The following GABRG3 variants were observed in gnomAD, a reference collection of about 807,000 sequenced individuals.
GABRG3 encodes the protein gamma-aminobutyric acid receptor subunit gamma-3.
In GABRG3, 25 loss-of-function variants were observed where a neutral mutation model predicts 48.8. The observed-to-expected ratio is 0.51, with a 90% CI of 0.37 to 0.72. GABRG3 has a LOEUF of 0.72. Ranked by LOEUF, GABRG3 falls within the 30% of genes least tolerant of loss-of-function variation. GABRG3 has a pLI of 0.00. For missense variants in GABRG3, 394 were observed against 577.9 expected (o/e 0.68, Z 3.26); for synonymous variants, 227 against 217.6 (o/e 1.04, Z -0.38).
chr15:27,368,633 C>T (rs562918317), intron 5 of GABRG3, among the ~76,000 whole-genome samples: 2 of 152,290 alleles, frequency 1.3e-5, no homozygotes, highest in Non-Finnish European at 1.5e-5. Context: ...TTGTTACCTC[C>T]GGTTCTGCAG....
chr15:27,170,235 A>G (rs1357497306), intron 3 of GABRG3, among the ~76,000 whole-genome samples: 1 of 152,220 alleles, frequency 6.6e-6, no homozygotes, highest in African/African-American at 2.4e-5. Context: ...TGAGTTTATA[A>G]CATGGGTAGA....
chr15:27,503,800 A>G (rs1890699477), intron 6 of GABRG3, among the ~76,000 whole-genome samples: 6 of 152,198 alleles, frequency 3.9e-5, no homozygotes, highest in Admixed American at 3.9e-4. Flanking sequence ...TTGTAGATTC[A>G]TCTATTTCTC....
At chr15:27,009,838 A>G (rs1166477249) in intron 2 of GABRG3, among the ~76,000 whole-genome samples, 1 of 151,748 alleles carries the variant, frequency 6.6e-6, no homozygotes, top group Non-Finnish European at 1.5e-5. Flanking sequence ...TCCTCAGGCA[A>G]CTTCTTCTTC....
chr15:27,095,696 T>C (rs756472384), intron 3 of GABRG3, among the ~76,000 whole-genome samples: 4 of 152,120 alleles, frequency 2.6e-5, no homozygotes, highest in African/African-American at 7.2e-5. Flanking sequence ...CTTAGGTTTT[T>C]CTCTTTGGAT....
intron 5 of GABRG3, among the ~76,000 whole-genome samples, chr15:27,366,658 C>T (rs901877122): frequency 1.3e-5 from 2 of 152,064 alleles, no homozygotes; most frequent in African/African-American, 2.4e-5. Context: ...GAGAGGAGTC[C>T]TGGTCCTCTC....
At chr15:27,184,962 T>C (rs1044705012) in intron 3 of GABRG3, among the ~76,000 whole-genome samples, 1 of 152,352 alleles carries the variant, frequency 6.6e-6, no homozygotes, top group South Asian at 2.1e-4. Flanking sequence ...GTTTATTGTT[T>C]GCATTGATTT....
chr15:27,167,242 C>G (rs1405880170), intron 3 of GABRG3, among the ~76,000 whole-genome samples: 1 of 152,198 alleles, frequency 6.6e-6, no homozygotes, highest in African/African-American at 2.4e-5. Context: ...TGATTCTTTT[C>G]CTCTCTTTCC....
Position 27,287,799 on chromosome 15 carries a change from C to T in GABRG3, c.271-39010C>T, listed in dbSNP as rs539321589. Among the ~76,000 whole-genome samples the T allele has an allele frequency of 2.8e-5, 4 of 140,880 alleles. No individual in the cohort carries two copies. The East Asian group carries it at 6.3e-4, about 22-fold the overall frequency. 92.4% of individuals were successfully genotyped at this position (140,880 alleles called of 152,430 possible). ...TGTTGCCCAGGCTGGAGTGCAGTGG[C>T]GCGATCTCGGCTCACTGCAAGCTCC... On this transcript the variant is annotated intron_variant, in intron 3 of 9. Coordinates refer to ENST00000615808, the MANE Select transcript of GABRG3 (RefSeq NM_033223.5).
chr15:27,333,413 C>T (rs1893865738), intron 5 of GABRG3, among the ~76,000 whole-genome samples: 1 of 152,240 alleles, frequency 6.6e-6, no homozygotes, highest in Middle Eastern at 3.4e-3. Context: ...CATTCCATAA[C>T]GTGGGTCCCC....
rs76933292 is a variant in GABRG3, at chr15:27,404,315, G to A, written c.574+75427G>A. Among the ~76,000 whole-genome samples, 208 of 152,256 alleles carry A rather than the reference G, an allele frequency of 1.4e-3. 2 individuals are homozygous for A. The highest frequency in any genetic ancestry group is 6.8e-3 in the Middle Eastern group (2 of 294). Reference sequence around the variant, plus strand: ...AAGTCCTTCTCTGGTACCTGGGCTGGCTGGGCTGGCAATGCCTACCTTGTA... The same window carrying A: ...AAGTCCTTCTCTGGTACCTGGGCTGACTGGGCTGGCAATGCCTACCTTGTA... On this transcript the variant is annotated intron_variant, in intron 5 of 9. Transcript: ENST00000615808.
At chr15:27,350,900 T>TGTGTGTGTGTATC in intron 5 of GABRG3, among the ~76,000 whole-genome samples, 1 of 151,596 alleles carries the variant, frequency 6.6e-6, no homozygotes, top group South Asian at 2.1e-4. Context: ...CGTGTGTGTT[T>TGTGTGTGTGTATC]GTGTGTGTGT....
intron 3 of GABRG3, among the ~76,000 whole-genome samples, chr15:27,077,780 CT>C (rs1272169829): frequency 6.6e-6 from 1 of 152,180 alleles, no homozygotes; most frequent in African/African-American, 2.4e-5. Flanking sequence ...AAAGGAAGGA[CT>C]TTTTTTCTCT....
At chr15:27,053,093 A>T (rs996095136) in intron 3 of GABRG3, among the ~76,000 whole-genome samples, 5 of 152,232 alleles carry the variant, frequency 3.3e-5, no homozygotes, top group African/African-American at 1.2e-4. Context: ...CCTTCTGGAT[A>T]TTGGCCTTGG....
At chr15:27,124,160 T>G (rs1897778641) in intron 3 of GABRG3, among the ~76,000 whole-genome samples, 2 of 152,184 alleles carry the variant, frequency 1.3e-5, no homozygotes, top group South Asian at 4.1e-4. Context: ...GGGGACAAAT[T>G]GCAATGTCCA....
rs1891547577 is a variant in GABRG3, at chr15:27,536,403, A to G, written c.*3522A>G. ...ATGAAACAGAAAGCTCAAATAATACACATCTTTTAAGATTTTCCATTTCCT... is the reference window on the plus strand; with the variant it reads ...ATGAAACAGAAAGCTCAAATAATACGCATCTTTTAAGATTTTCCATTTCCT... On this transcript the variant is annotated 3_prime_UTR_variant, in exon 10 of 10. Transcript: ENST00000615808. 1 of 152,116 alleles carries G rather than the reference A, an allele frequency of 6.6e-6. No homozygotes were observed. The highest frequency in any genetic ancestry group is 1.5e-5 in the Non-Finnish European group (1 of 68,040). The allele number at this position is 152,116 out of a possible 1,614,324, so 9.4% of individuals were successfully genotyped here.
At chr15:27,153,988 T>C (rs1250327746) in intron 3 of GABRG3, among the ~76,000 whole-genome samples, 2 of 152,200 alleles carry the variant, frequency 1.3e-5, no homozygotes, top group East Asian at 1.9e-4. Context: ...GTGAGGTAAA[T>C]AGGCCATTTG....
chr15:27,269,285 A>T (rs907444846), intron 3 of GABRG3, among the ~76,000 whole-genome samples: 1 of 152,160 alleles, frequency 6.6e-6, no homozygotes, highest in Admixed American at 6.5e-5. Flanking sequence ...CTTTTTTAAA[A>T]GTTTCTATTG....
intron 6 of GABRG3, among the ~76,000 whole-genome samples, chr15:27,485,374 C>G (rs746547735): frequency 1.3e-5 from 2 of 151,910 alleles, no homozygotes; most frequent in Admixed American, 6.6e-5. Context: ...AAGAAGAAAG[C>G]GAAGAAAACA....
intron 5 of GABRG3, among the ~76,000 whole-genome samples, chr15:27,338,450 C>A (rs965646956): frequency 6.6e-6 from 1 of 152,116 alleles, no homozygotes; most frequent in Non-Finnish European, 1.5e-5. Flanking sequence ...ATGATCAAGT[C>A]CCCTGATGTG....
Sources: allele counts gnomAD v4.1 joint callset (sites outside exome capture counted in the v4.1 genomes callset), GRCh38; gene constraint gnomAD v4.1.1; transcripts MANE v1.5; gene names NCBI Gene and HGNC (gene_info 2026-07-23, HGNC 2026-07-21).